PLS3: variants seen among roughly 807,000 people sequenced by gnomAD.
The protein encoded by PLS3 is plastin-3.
PLS3 carries 11 observed loss-of-function variants against 46.5 expected under a neutral mutation model. The observed-to-expected ratio is 0.24, with a 90% CI of 0.15 to 0.39. The LOEUF (loss-of-function observed/expected upper bound fraction) is 0.39, where lower values mean the gene tolerates loss of function less well. Among genes scored for constraint, PLS3 ranks in the 10% least tolerant of loss-of-function variants. The pLI is 1.00. For missense variants in PLS3, 308 were observed against 461.8 expected, an observed-to-expected ratio of 0.67 and a Z score of 3.05; for synonymous variants, 167 against 162.2, an observed-to-expected ratio of 1.03 and a Z score of -0.22.
intron 13 of PLS3, 84 bp downstream of exon 13, chrX:115,646,619 T>G (rs1175701251): frequency 2.5e-6 from 2 of 809,043 alleles, no homozygotes; most frequent in Non-Finnish European, 3.5e-6. Context: ...TAAGTGGATA[T>G]GTCGATAACT....
At chrX:115,601,804 A>G (rs966536515) in intron 1 of PLS3, among the ~76,000 whole-genome samples, 21 of 111,592 alleles carry the variant, frequency 1.9e-4, no homozygotes, top group African/African-American at 6.8e-4. Flanking sequence ...CTGGAGACAG[A>G]GGAAAGTGGG....
chrX:115,608,246 C>A (rs187936116), intron 1 of PLS3, among the ~76,000 whole-genome samples: 2 of 111,811 alleles, frequency 1.8e-5, no homozygotes, highest in African/African-American at 6.5e-5. Flanking sequence ...CTGAGTGTTA[C>A]ACTTCTTGGC....
chrX:115,609,393 T>C (rs921683666), intron 1 of PLS3, among the ~76,000 whole-genome samples: 1 of 112,016 alleles, frequency 8.9e-6, no homozygotes, highest in African/African-American at 3.2e-5. Context: ...TTGACAAAAT[T>C]CAAAATATAA....
chrX:115,567,218 G>T (rs1556630238), intron 1 of PLS3, among the ~76,000 whole-genome samples: 1 of 111,233 alleles, frequency 9.0e-6, no homozygotes, highest in Admixed American at 9.6e-5. Flanking sequence ...CCTCATAATT[G>T]CAGTCTAAAG....
At chrX:115,609,879 C>T (rs1403992403) in intron 1 of PLS3, among the ~76,000 whole-genome samples, 2 of 111,770 alleles carry the variant, frequency 1.8e-5, no homozygotes, top group Admixed American at 9.5e-5. Flanking sequence ...TGATACTTTC[C>T]GTGAATCATT....
chrX:115,605,305 C>A (rs2074480021), intron 1 of PLS3, among the ~76,000 whole-genome samples: 1 of 111,522 alleles, frequency 9.0e-6, no homozygotes, highest in African/African-American at 3.3e-5. Context: ...GTTACATATG[C>A]AAAGTCACTT....
At chrX:115,596,771 A>G (rs922639278) in intron 1 of PLS3, among the ~76,000 whole-genome samples, 12 of 110,564 alleles carry the variant, frequency 1.1e-4, no homozygotes, top group African/African-American at 4.0e-4. Context: ...CAGGAGTCGG[A>G]GGTTGCAGTG....
At chrX:115,641,560 A>T (rs1247821239) in intron 9 of PLS3, among the ~76,000 whole-genome samples, 1 of 110,564 alleles carries the variant, frequency 9.0e-6, no homozygotes, top group African/African-American at 3.3e-5. Flanking sequence ...CCTTATCAGA[A>T]CTGAATTTGT....
At chrX:115,593,881 G>A in intron 1 of PLS3, among the ~76,000 whole-genome samples, 1 of 110,764 alleles carries the variant, frequency 9.0e-6, no homozygotes. Flanking sequence ...TTTATTTAGA[G>A]AATGTTTAGG....
intron 1 of PLS3, among the ~76,000 whole-genome samples, chrX:115,574,036 C>T (rs1313509025): frequency 9.0e-6 from 1 of 111,087 alleles, no homozygotes; most frequent in African/African-American, 3.3e-5. Flanking sequence ...AGCAGGAATA[C>T]GTAGGATTTC....
chrX:115,606,626 T>G (rs935188533), intron 1 of PLS3, among the ~76,000 whole-genome samples: 2 of 111,376 alleles, frequency 1.8e-5, no homozygotes, highest in Admixed American at 9.6e-5. Flanking sequence ...GGTCTTACTT[T>G]TAAATTTTCT....
intron 1 of PLS3, among the ~76,000 whole-genome samples, chrX:115,568,950 C>T (rs1386973897): frequency 1.2e-4 from 13 of 108,836 alleles, no homozygotes; most frequent in South Asian, 4.0e-4. Flanking sequence ...GCAGGAGAAT[C>T]GCTTGAACCC....
At chrX:115,645,188 A>AT in intron 11 of PLS3, 89 bp downstream of exon 11, 4 of 576,381 alleles carry the variant, frequency 6.9e-6, no homozygotes, top group Non-Finnish European at 1.2e-5. Flanking sequence ...CTAGATATTA[A>AT]TTTGTAGCTA....
At chrX:115,611,329 T>G (rs2074546084) in intron 2 of PLS3, among the ~76,000 whole-genome samples, 2 of 112,407 alleles carry the variant, frequency 1.8e-5, no homozygotes, top group African/African-American at 6.5e-5. Flanking sequence ...TTCCTGAATC[T>G]AACATGATCG....
rs111839191 is a variant in PLS3 at position 115,634,745 on chromosome X, T to C, written c.583-136T>C. 7.4e-5 allele frequency: 43 copies of C among 578,780 alleles called. No homozygotes were observed. The African/African-American group carries it at 8.0e-4, about 11-fold the overall frequency. 47.7% of individuals were successfully genotyped at this position (578,780 alleles called of 1,213,427 possible). A position where few individuals can be genotyped will look rare whatever the true frequency, so the allele number is the denominator to read the frequency against. ...AACACAAAACTCTGGAATTTGTTTT[T>C]TGTGACACATATATGGATGAAATTA... On this transcript the variant is annotated intron_variant, in intron 6 of 15. Transcript: ENST00000355899.
chrX:115,608,962 C>T (rs2074520990), intron 1 of PLS3, among the ~76,000 whole-genome samples: 1 of 109,716 alleles, frequency 9.1e-6, no homozygotes. Context: ...TGGCCGGGTA[C>T]GGTGGCTCAC....
At chrX:115,619,424 T>G (rs2074627557) in intron 2 of PLS3, among the ~76,000 whole-genome samples, 3 of 112,222 alleles carry the variant, frequency 2.7e-5, no homozygotes, top group African/African-American at 9.7e-5. Context: ...TGGGAGCAGG[T>G]GTATTTAAGC....
intron 3 of PLS3, among the ~76,000 whole-genome samples, chrX:115,623,870 C>G (rs1264024805): frequency 1.8e-5 from 2 of 111,914 alleles, no homozygotes; most frequent in African/African-American, 6.5e-5. Flanking sequence ...TGTAGTAGTC[C>G]AAGAAGCAAA....
At chrX:115,642,990 A>T (rs1200664388) in intron 9 of PLS3, among the ~76,000 whole-genome samples, 1 of 111,944 alleles carries the variant, frequency 8.9e-6, no homozygotes, top group Non-Finnish European at 1.9e-5. Context: ...GAAAGTGAAG[A>T]TGGTGAATGT....
Sources: gnomAD v4.1 joint callset for allele counts (sites outside exome capture counted in the v4.1 genomes callset) on GRCh38, gnomAD v4.1.1 for gene constraint, MANE v1.5 for transcripts, NCBI Gene and HGNC (gene_info 2026-07-23, HGNC 2026-07-21) for gene names.